EYS: variants seen among roughly 807,000 people sequenced by gnomAD.
EYS encodes protein eyes shut homolog.
Under a neutral mutation model 282.1 loss-of-function variants are expected in EYS, and 250 were observed. That is an observed-to-expected ratio of 0.89 (90% CI 0.80 to 0.98). The LOEUF is 0.98. Ranked by LOEUF, EYS falls within the 50% of genes least tolerant of loss-of-function variation. The pLI is 0.00. For synonymous variants in EYS, 1,355 were observed against 1,282.9 expected (o/e 1.06, Z -1.20); for missense variants, 4,016 against 3,709.0 (o/e 1.08, Z -2.15).
Position 65,244,906 on chromosome 6 carries a change from A to G in EYS, c.2023+50957T>C, listed in dbSNP as rs1767143875. Among the ~76,000 whole-genome samples the G allele has an allele frequency of 2.0e-5, 3 of 152,104 alleles. No individual in the cohort carries two copies. The South Asian group carries it at 6.2e-4, about 31-fold the overall frequency. ...AAAATGTGTTTATTTTTATTTCTAT[A>G]TTTATGATCTTTAGACACACTAATG... is the stretch of plus-strand genomic sequence containing the variant. On this transcript the variant is annotated intron_variant, in intron 12 of 42. Transcript: ENST00000503581.
At chr6:64,499,305 T>A (rs1047403049) in intron 26 of EYS, among the ~76,000 whole-genome samples, 1 of 152,208 alleles carries the variant, frequency 6.6e-6, no homozygotes, top group Non-Finnish European at 1.5e-5. Flanking sequence ...GACTGTGTCA[T>A]GTTATTTTAT....
chr6:64,374,548 A>G (rs1461814691), intron 29 of EYS, among the ~76,000 whole-genome samples: 2 of 152,134 alleles, frequency 1.3e-5, no homozygotes, highest in African/African-American at 2.4e-5. Context: ...TCCTAGCTCC[A>G]TGCTGAGGCC....
At chr6:64,121,886 G>T in intron 31 of EYS, among the ~76,000 whole-genome samples, 1 of 152,122 alleles carries the variant, frequency 6.6e-6, no homozygotes, top group Non-Finnish European at 1.5e-5. Flanking sequence ...TCTATAGACA[G>T]GGCTTAGTCA....
At chr6:64,667,262 T>C (rs947112474) in intron 22 of EYS, among the ~76,000 whole-genome samples, 2 of 151,076 alleles carry the variant, frequency 1.3e-5, no homozygotes, top group Non-Finnish European at 2.9e-5. Context: ...AAGTTTTTAA[T>C]ATAAAAATTA....
intron 12 of EYS, among the ~76,000 whole-genome samples, chr6:65,125,676 A>C (rs1416441608): frequency 6.6e-6 from 1 of 152,030 alleles, no homozygotes; most frequent in Non-Finnish European, 1.5e-5. Context: ...CTACTCCCTC[A>C]CATCTATAAA....
chr6:65,371,174 T>A (rs1459640440), intron 8 of EYS, among the ~76,000 whole-genome samples: 1 of 151,884 alleles, frequency 6.6e-6, no homozygotes, highest in East Asian at 1.9e-4. Context: ...AGACTCCTTT[T>A]TCTTGTCATT....
chr6:64,074,307 A>T (rs1417281720), intron 32 of EYS, among the ~76,000 whole-genome samples: 3 of 151,094 alleles, frequency 2.0e-5, no homozygotes, highest in African/African-American at 4.8e-5. Context: ...TTTGAATCTG[A>T]TATATTAAAA....
At chr6:65,631,625 A>G (rs1045539557) in intron 2 of EYS, among the ~76,000 whole-genome samples, 8 of 152,206 alleles carry the variant, frequency 5.3e-5, no homozygotes, top group Admixed American at 1.3e-4. Context: ...CTGATTTACT[A>G]TAAAAGACTT....
intron 12 of EYS, among the ~76,000 whole-genome samples, chr6:65,092,570 T>A (rs968961901): frequency 1.3e-5 from 2 of 152,214 alleles, no homozygotes; most frequent in Admixed American, 1.3e-4. Context: ...TATCTTCTGA[T>A]AACTGTTTAG....
chr6:64,083,106 A>T (rs1321338603), intron 31 of EYS, among the ~76,000 whole-genome samples: 1 of 151,960 alleles, frequency 6.6e-6, no homozygotes, highest in African/African-American at 2.4e-5. Flanking sequence ...ACAGGGTTTC[A>T]CCATGTTGCC....
intron 35 of EYS, among the ~76,000 whole-genome samples, chr6:63,909,350 C>G (rs1773859708): frequency 6.6e-6 from 1 of 152,102 alleles, no homozygotes; most frequent in African/African-American, 2.4e-5. Context: ...CTCTATTACT[C>G]TCTCTATATA....
At chr6:65,647,176 A>T (rs977534519) in intron 1 of EYS, among the ~76,000 whole-genome samples, 2 of 152,200 alleles carry the variant, frequency 1.3e-5, no homozygotes, top group African/African-American at 4.8e-5. Flanking sequence ...TGAAAAATTT[A>T]TACGGAACTA....
intron 5 of EYS, among the ~76,000 whole-genome samples, chr6:65,437,063 C>A (rs1768098784): frequency 6.6e-6 from 1 of 152,020 alleles, no homozygotes; most frequent in Admixed American, 6.6e-5. Flanking sequence ...TGATTGGTAG[C>A]AGAATAGAAA....
At chr6:64,322,974 C>G (rs1770271757) in intron 29 of EYS, among the ~76,000 whole-genome samples, 1 of 152,082 alleles carries the variant, frequency 6.6e-6, no homozygotes, top group Non-Finnish European at 1.5e-5. Context: ...CTCAGACATT[C>G]ACACACATAA....
chr6:65,168,018 T>C (rs1158652574), intron 12 of EYS, among the ~76,000 whole-genome samples: 2 of 151,258 alleles, frequency 1.3e-5, no homozygotes, highest in African/African-American at 4.8e-5. Flanking sequence ...AGAACAGTTA[T>C]TTTAAAGTCT....
chr6:64,035,024 T>C (rs1358374950), intron 33 of EYS, among the ~76,000 whole-genome samples: 1 of 152,186 alleles, frequency 6.6e-6, no homozygotes, highest in Non-Finnish European at 1.5e-5. Flanking sequence ...CTGGAGATTG[T>C]CACAGCTGAA....
intron 24 of EYS, among the ~76,000 whole-genome samples, chr6:64,600,288 A>G (rs1286781466): frequency 1.8e-5 from 2 of 112,942 alleles, no homozygotes; most frequent in African/African-American, 6.9e-5. Context: ...TTAAGATATT[A>G]ACAGATTCTG....
chr6:64,910,509 C>T (rs1767958136), intron 16 of EYS, among the ~76,000 whole-genome samples: 1 of 152,020 alleles, frequency 6.6e-6, no homozygotes. Context: ...AAATGATGTG[C>T]ATTTCAAGTA....
At chr6:65,439,485 G>A (rs1768220281) in intron 5 of EYS, among the ~76,000 whole-genome samples, 1 of 152,104 alleles carries the variant, frequency 6.6e-6, no homozygotes, top group Non-Finnish European at 1.5e-5. Context: ...CCATGAGCAT[G>A]GAATGTTCTT....
Sources: allele counts gnomAD v4.1 joint callset (sites outside exome capture counted in the v4.1 genomes callset), GRCh38; gene constraint gnomAD v4.1.1; transcripts MANE v1.5; gene names NCBI Gene and HGNC (gene_info 2026-07-23, HGNC 2026-07-21).